Variants in TOGARAM2 observed in about 807,000 individuals in gnomAD.
The protein encoded by TOGARAM2 is TOG array regulator of axonemal microtubules 2, also known as TOG array regulator of axonemal microtubules protein 2.
Under a neutral mutation model 93.3 loss-of-function variants are expected in TOGARAM2, and 85 were observed. The ratio of observed to expected loss-of-function variants is 0.91; its 90% confidence interval spans 0.76 to 1.09. TOGARAM2 has a LOEUF of 1.09. TOGARAM2 is among the 50% of genes least tolerant of loss of function. The pLI, the probability that TOGARAM2 is intolerant of heterozygous loss-of-function variation, is 0.00. For synonymous variants in TOGARAM2, 593 were observed against 552.8 expected, an observed-to-expected ratio of 1.07 and a Z score of -1.02; for missense variants, 1,277 against 1,334.5, an observed-to-expected ratio of 0.96 and a Z score of 0.67.
At position 29,036,620 on chromosome 2, in the gene TOGARAM2, T is replaced by G. The variant is rs1189247671; in HGVS notation, c.2498T>G (p.Met833Arg). 1.1e-5 allele frequency: 18 copies of G among 1,613,866 alleles called. No homozygotes were observed. The highest frequency in any genetic ancestry group is 1.5e-5 in the Non-Finnish European group (18 of 1,179,888). Residue 833 changes from methionine (M) to arginine (R), a missense_variant, in exon 18 of 20, where the codon ATG (methionine) becomes AGG (arginine). Physicochemically the swap from Met to Arg is moderately conservative, Grantham distance 91. Coordinates refer to ENST00000379558, the MANE Select transcript of TOGARAM2 (RefSeq NM_199280.4). ...TGGGCGCTGGAGTCCTTCGCCAAGA[T>G]GATCCCCCTCCTCAGAGAGAGCTTA... ...NQWALESFAK[M>R]IPLLRESLHP...
chr2:29,023,620 CT>C (rs1665120723), intron 12 of TOGARAM2, among the ~76,000 whole-genome samples: 1 of 152,140 alleles, frequency 6.6e-6, no homozygotes. Flanking sequence ...GTGCCCTGCC[CT>C]TGGGAGTGGG....
chr2:28,989,687 G>T (rs1672628573), intron 1 of TOGARAM2, among the ~76,000 whole-genome samples: 1 of 151,792 alleles, frequency 6.6e-6, no homozygotes, highest in South Asian at 2.1e-4. Flanking sequence ...TTACAGGTGT[G>T]AGCCACCATG....
At chr2:29,041,629 A>G (rs1044448868) in intron 18 of TOGARAM2, among the ~76,000 whole-genome samples, 8 of 152,166 alleles carry the variant, frequency 5.3e-5, no homozygotes, top group African/African-American at 1.9e-4. Context: ...GACAGGTGTA[A>G]GGCCCCTTAG....
intron 7 of TOGARAM2, 93 bp from the exon 8 acceptor site, chr2:29,014,302 G>C (rs367877987): frequency 1.3e-5 from 19 of 1,430,158 alleles, no homozygotes; most frequent in Non-Finnish European, 1.8e-5. Flanking sequence ...TGAGGGTGTG[G>C]GGCTTAGCAG....
intron 1 of TOGARAM2, among the ~76,000 whole-genome samples, chr2:28,973,815 C>T (rs1671988572): frequency 6.6e-6 from 1 of 152,074 alleles, no homozygotes; most frequent in Non-Finnish European, 1.5e-5. Context: ...AGGAATGAGC[C>T]ACTTTGACTG....
chr2:29,020,222 T>C (rs1479844109), intron 10 of TOGARAM2, among the ~76,000 whole-genome samples: 1 of 152,198 alleles, frequency 6.6e-6, no homozygotes, highest in East Asian at 1.9e-4. Flanking sequence ...ATGTGGGTTG[T>C]TACAGATTGG....
intron 1 of TOGARAM2, among the ~76,000 whole-genome samples, chr2:28,990,196 G>A (rs935857164): frequency 1.3e-5 from 2 of 152,176 alleles, no homozygotes; most frequent in South Asian, 2.1e-4. Context: ...TAAACCCTGC[G>A]TATAATCAGT....
intron 8 of TOGARAM2, among the ~76,000 whole-genome samples, chr2:29,016,399 C>A (rs1390309455): frequency 6.6e-6 from 1 of 152,148 alleles, no homozygotes; most frequent in African/African-American, 2.4e-5. Context: ...TGGCATGAGC[C>A]TTAGAGAAAT....
chr2:28,976,349 C>G (rs187423646), upstream of TOGARAM2, among the ~76,000 whole-genome samples: 5 of 151,834 alleles, frequency 3.3e-5, no homozygotes, highest in African/African-American at 4.8e-5. Flanking sequence ...CCAGCCTGGG[C>G]GACAGAGTGA....
chr2:28,990,991 G>GGTGGGT (rs1553336215), intron 1 of TOGARAM2, among the ~76,000 whole-genome samples: 5 of 119,812 alleles, frequency 4.2e-5, no homozygotes, highest in Non-Finnish European at 8.3e-5. Context: ...GTGTGTGAAG[G>GGTGGGT]GTGTGTGTGT....
Position 28,996,371 on chromosome 2 carries a change from A to G in TOGARAM2, c.28+1509A>G, listed in dbSNP as rs188932102. ...TCTATCTAACTGTATTTTTGTACCCATTAACCAACCTCTCTTCATTCCACC... is the reference window on the plus strand; with the variant it reads ...TCTATCTAACTGTATTTTTGTACCCGTTAACCAACCTCTCTTCATTCCACC... On this transcript the variant is annotated intron_variant, in intron 2 of 19. Transcript: ENST00000379558. 2.9e-4 allele frequency among the ~76,000 whole-genome samples: 44 copies of G among 152,262 alleles called. No homozygotes were observed. The East Asian group carries it at 7.5e-3, about 26-fold the overall frequency.
At chr2:29,021,575 T>C (rs1664947576) in intron 10 of TOGARAM2, among the ~76,000 whole-genome samples, 1 of 152,210 alleles carries the variant, frequency 6.6e-6, no homozygotes, top group South Asian at 2.1e-4. Context: ...AACCTGTTTG[T>C]TGTGGGTCCC....
chr2:29,033,370 G>A, intron 15 of TOGARAM2, 99 bp from the exon 16 acceptor site: 1 of 1,130,344 alleles, frequency 8.8e-7, no homozygotes, highest in Non-Finnish European at 1.3e-6. Flanking sequence ...TCTCCTAGGT[G>A]GAAGGGATTA....
At chr2:29,042,361 C>A (rs1666486635) in intron 18 of TOGARAM2, among the ~76,000 whole-genome samples, 1 of 152,194 alleles carries the variant, frequency 6.6e-6, no homozygotes, top group Admixed American at 6.5e-5. Flanking sequence ...CAGGTCTCTG[C>A]TGGATATGCA....
Position 28,968,492 on chromosome 2 carries a change from C to G in TOGARAM2, c.-147+11795C>G, listed in dbSNP as rs150155940. Among the ~76,000 whole-genome samples the G allele has an allele frequency of 1.2e-3, 177 of 152,136 alleles. 1 individual carries two copies. Among genetic ancestry groups the G allele is most frequent in the African/African-American group, 3.7e-3 (153 of 41,490 alleles). On this transcript the variant is annotated intron_variant, in intron 1 of 6. Transcript: ENST00000401723. Reference sequence around the variant, plus strand: ...AGTGTGTCTGTTGGTTGCAATGAGGCCATCTTGGTCCTTTACACCTTTGTC... The same window carrying G: ...AGTGTGTCTGTTGGTTGCAATGAGGGCATCTTGGTCCTTTACACCTTTGTC...
intron 14 of TOGARAM2, 128 bp downstream of exon 14, chr2:29,027,139 TC>T: frequency 1.0e-6 from 1 of 994,382 alleles, no homozygotes; most frequent in Non-Finnish European, 1.4e-6. Flanking sequence ...GGAAGCTATG[TC>T]CTTTCCTTTC....
At chr2:28,977,995 C>T (rs924599430), upstream of TOGARAM2, among the ~76,000 whole-genome samples, 2 of 152,184 alleles carry the variant, frequency 1.3e-5, no homozygotes, top group Admixed American at 6.5e-5. Flanking sequence ...CAACTTCTGC[C>T]TCCTGGGCTC....
At chr2:29,042,547 G>C (rs559977728) in intron 18 of TOGARAM2, among the ~76,000 whole-genome samples, 21 of 152,310 alleles carry the variant, frequency 1.4e-4, no homozygotes, top group Middle Eastern at 3.4e-3. Flanking sequence ...GAACACTCGG[G>C]GGGGCTACAG....
chr2:28,986,763 G>T (rs1195309115), intron 1 of TOGARAM2, among the ~76,000 whole-genome samples: 1 of 152,220 alleles, frequency 6.6e-6, no homozygotes, highest in Admixed American at 6.5e-5. Flanking sequence ...CTGAACATCT[G>T]AACACAGCAA....
Sources: allele counts gnomAD v4.1 joint callset (sites outside exome capture counted in the v4.1 genomes callset), GRCh38; gene constraint gnomAD v4.1.1; transcripts MANE v1.5; gene names NCBI Gene and HGNC (gene_info 2026-07-23, HGNC 2026-07-21).